C12orf42: variants seen among roughly 807,000 people sequenced by gnomAD.
The protein encoded by C12orf42 is uncharacterized protein C12orf42.
Under a neutral mutation model 21.6 loss-of-function variants are expected in C12orf42, and 25 were observed. That is an observed-to-expected ratio of 1.16 (90% confidence interval 0.84 to 1.62). C12orf42 has a LOEUF of 1.62. Among genes scored for constraint, C12orf42 ranks in the 40% most tolerant of loss-of-function variants. C12orf42 has a pLI of 0.00. For missense variants in C12orf42, 483 were observed against 459.3 expected, an observed-to-expected ratio of 1.05 and a Z score of -0.47; for synonymous variants, 174 against 175.0, an observed-to-expected ratio of 0.99 and a Z score of 0.05.
the C12orf42 span, chr12:103,550,536 A>G: frequency 6.6e-6 from 1 of 152,264 alleles, no homozygotes; most frequent in Admixed American, 6.5e-5. Context: ...GAGATTCTTG[A>G]TACAAGCCTC....
At chr12:103,231,851 T>C in the C12orf42 span, among the ~76,000 whole-genome samples, 5 of 152,362 alleles carry the variant, frequency 3.3e-5, no homozygotes, top group East Asian at 1.9e-4. Context: ...CTGGATCATA[T>C]GGTAAGAGTA....
At chr12:103,492,756 G>A (rs1955263627) in intron 1 of C12orf42, among the ~76,000 whole-genome samples, 2 of 152,160 alleles carry the variant, frequency 1.3e-5, no homozygotes, top group Non-Finnish European at 1.5e-5. Flanking sequence ...TCAAGTGTCT[G>A]TCTCCAGGCC....
chr12:103,523,328 A>T, the C12orf42 span, among the ~76,000 whole-genome samples: 3 of 152,088 alleles, frequency 2.0e-5, no homozygotes, highest in Non-Finnish European at 4.4e-5. Flanking sequence ...AATTCATCAA[A>T]TAAAAACTCA....
At chr12:103,312,419 G>T (rs2039058069) in intron 4 of C12orf42, among the ~76,000 whole-genome samples, 1 of 152,214 alleles carries the variant, frequency 6.6e-6, no homozygotes, top group African/African-American at 2.4e-5. Context: ...TTGGCCCACA[G>T]AAAATGCTAT....
At chr12:103,412,465 T>C (rs561494171) in intron 2 of C12orf42, among the ~76,000 whole-genome samples, 1 of 152,252 alleles carries the variant, frequency 6.6e-6, no homozygotes, top group African/African-American at 2.4e-5. Context: ...GGTCAGGAGT[T>C]CGAGACTGGC....
the C12orf42 span, among the ~76,000 whole-genome samples, chr12:103,076,199 T>C: frequency 6.6e-6 from 1 of 152,012 alleles, no homozygotes; most frequent in Non-Finnish European, 1.5e-5. Flanking sequence ...AACCTGTATG[T>C]TCTGCACATG....
At chr12:103,312,171 C>T (rs1438997960) in intron 4 of C12orf42, among the ~76,000 whole-genome samples, 1 of 152,182 alleles carries the variant, frequency 6.6e-6, no homozygotes, top group Non-Finnish European at 1.5e-5. Context: ...AGAGAGGAAG[C>T]GTCTTGTTAC....
the C12orf42 span, chr12:103,080,972 TCTG>T: frequency 6.6e-6 from 1 of 152,204 alleles, no homozygotes; most frequent in Admixed American, 6.5e-5. Context: ...CACTCCAGCA[TCTG>T]CGCACATAAC....
At chr12:103,552,869 G>A in the C12orf42 span, among the ~76,000 whole-genome samples, 13 of 152,290 alleles carry the variant, frequency 8.5e-5, no homozygotes, top group African/African-American at 3.1e-4. Context: ...AAGGGAAGAG[G>A]CATATCTTAT....
At chr12:103,333,637 C>T (rs924938814) in intron 4 of C12orf42, among the ~76,000 whole-genome samples, 4 of 152,062 alleles carry the variant, frequency 2.6e-5, no homozygotes, top group African/African-American at 7.2e-5. Flanking sequence ...AACATCACAT[C>T]CAAGATGAGT....
At chr12:103,403,187 A>T (rs1428930252) in intron 2 of C12orf42, among the ~76,000 whole-genome samples, 2 of 152,094 alleles carry the variant, frequency 1.3e-5, no homozygotes, top group Non-Finnish European at 2.9e-5. Context: ...CACCCTGGCT[A>T]ACACGGTGAA....
the C12orf42 span, among the ~76,000 whole-genome samples, chr12:103,070,539 CA>C: frequency 1.1e-3 from 167 of 151,730 alleles, no homozygotes; most frequent in African/African-American, 2.2e-3. Context: ...CACACACACA[CA>C]CACCCGACAC....
chr12:103,378,999 G>A (rs2374061), intron 3 of C12orf42, among the ~76,000 whole-genome samples: 71,183 of 151,944 alleles, frequency 0.47, 18,262 homozygotes, highest in African/African-American at 0.68. Flanking sequence ...TGAAGACTAC[G>A]GTTTACACAC....
the C12orf42 span, among the ~76,000 whole-genome samples, chr12:103,543,895 T>G: frequency 3.8e-4 from 55 of 143,954 alleles, 1 homozygote; most frequent in African/African-American, 1.3e-3. Context: ...TTTTTTGTTT[T>G]GTTTTTTGTT....
At chr12:103,307,450 T>A (rs774988169) in intron 4 of C12orf42, among the ~76,000 whole-genome samples, 1 of 152,170 alleles carries the variant, frequency 6.6e-6, no homozygotes, top group African/African-American at 2.4e-5. Context: ...GACAGCCTAC[T>A]GTGTCAACTC....
chr12:103,326,644 C>T (rs1217324733), intron 4 of C12orf42, among the ~76,000 whole-genome samples: 2 of 152,090 alleles, frequency 1.3e-5, no homozygotes, highest in Admixed American at 6.5e-5. Flanking sequence ...TTTGCTGTTC[C>T]CTCTGCTTAG....
intron 10 of C12orf42, among the ~76,000 whole-genome samples, chr12:103,243,208 T>A (rs187256561): frequency 6.6e-6 from 1 of 152,090 alleles, no homozygotes; most frequent in Admixed American, 6.6e-5. Context: ...TTCTTTTTTT[T>A]CAGAGATGAG....
chr12:103,479,429 G>A (rs915559668), intron 1 of C12orf42, among the ~76,000 whole-genome samples: 1 of 152,028 alleles, frequency 6.6e-6, no homozygotes, highest in Non-Finnish European at 1.5e-5. Flanking sequence ...ATATCAACAG[G>A]TCAGTAAATA....
chr12:103,429,035 AGC>A (rs1950065478), intron 2 of C12orf42, among the ~76,000 whole-genome samples: 1 of 152,266 alleles, frequency 6.6e-6, no homozygotes. Flanking sequence ...AAAAGCTAGA[AGC>A]ATTCCCTCTG....
Sources: gnomAD v4.1 joint callset for allele counts (sites outside exome capture counted in the v4.1 genomes callset) on GRCh38, gnomAD v4.1.1 for gene constraint, MANE v1.5 for transcripts, NCBI Gene and HGNC (gene_info 2026-07-23, HGNC 2026-07-21) for gene names.